PRKAR1A: variants seen among roughly 807,000 people sequenced by gnomAD.
PRKAR1A encodes protein kinase cAMP-dependent type I regulatory subunit alpha, also known as cAMP-dependent protein kinase type I-alpha regulatory subunit.
In PRKAR1A, 3 loss-of-function variants were observed where a neutral mutation model predicts 52.0. The ratio of observed to expected loss-of-function variants is 0.06; its 90% CI spans 0.03 to 0.15. The LOEUF is 0.15. Ranked by LOEUF, PRKAR1A falls within the 10% of genes least tolerant of loss-of-function variation. The pLI is 1.00. For synonymous variants in PRKAR1A, 188 were observed against 168.4 expected (o/e 1.12, Z -0.90); for missense variants, 240 against 477.4 (o/e 0.50, Z 4.63).
In PRKAR1A at chr17:68,524,218, A is replaced by G. The variant is rs530594434; in HGVS notation, c.502+141A>G. 129 of 757,532 alleles carry G rather than the reference A, an allele frequency of 1.7e-4. 1 individual carries two copies. In the East Asian group the frequency reaches 2.4e-3, roughly 14 times the overall value. The allele number at this position is 757,532 out of a possible 1,614,324, so 46.9% of individuals were successfully genotyped here. A position where few individuals can be genotyped will look rare whatever the true frequency, so the allele number is the denominator to read the frequency against. ...TTCTGTTATACTATTGGATTTTTCT[A>G]TTTCTTTTAAATTAAGATTTTCTGA... On this transcript the variant is annotated intron_variant, in intron 5 of 10. Coordinates refer to ENST00000589228, the MANE Select transcript of PRKAR1A (RefSeq NM_002734.5).
chr17:68,522,290 C>T (rs1026582172), intron 2 of PRKAR1A, among the ~76,000 whole-genome samples: 1 of 152,178 alleles, frequency 6.6e-6, no homozygotes, highest in Non-Finnish European at 1.5e-5. Context: ...ACTCAGTAAT[C>T]TAGACATTCT....
chr17:68,458,530 C>T, the PRKAR1A span, among the ~76,000 whole-genome samples: 25 of 152,154 alleles, frequency 1.6e-4, no homozygotes, highest in Non-Finnish European at 3.4e-4. Context: ...AGTATCTAAA[C>T]AAGACCTATC....
At chr17:68,506,204 TC>T in the PRKAR1A span, among the ~76,000 whole-genome samples, 1 of 151,364 alleles carries the variant, frequency 6.6e-6, no homozygotes, top group South Asian at 2.1e-4. Context: ...TGATCACTCT[TC>T]CAGCCTCACA....
the PRKAR1A span, among the ~76,000 whole-genome samples, chr17:68,456,988 C>T: frequency 6.6e-6 from 1 of 152,196 alleles, no homozygotes; most frequent in African/African-American, 2.4e-5. Flanking sequence ...TTCTTTTGGC[C>T]ACTGTCTCTC....
At chr17:68,426,207 A>C in the PRKAR1A span, 1 of 1,352,518 alleles carries the variant, frequency 7.4e-7, no homozygotes, top group Non-Finnish European at 1.0e-6. Flanking sequence ...TGAAACAAGC[A>C]CTGGGGATCT....
At position 68,532,981 on chromosome 17, in the gene PRKAR1A, ATTTAC is replaced by A. The variant is rs1568708457; in HGVS notation, c.*2535_*2539del. On this transcript the variant is annotated 3_prime_UTR_variant, in exon 11 of 11. Coordinates refer to ENST00000589228, the MANE Select transcript of PRKAR1A (RefSeq NM_002734.5). ...AGGGTAATTGAGATGTAGCAGATTT[ATTTAC>A]TTAGTCATGGAAAGAAAAAAATTCA... The A allele has an allele frequency of 1.9e-6, 2 of 1,065,804 alleles. No homozygotes were observed. The highest frequency in any genetic ancestry group is 2.3e-6 in the Non-Finnish European group (2 of 879,724). 66.0% of individuals were successfully genotyped at this position (1,065,804 alleles called of 1,614,324 possible).
the PRKAR1A span, among the ~76,000 whole-genome samples, chr17:68,432,504 T>G: frequency 6.6e-6 from 1 of 152,190 alleles, no homozygotes; most frequent in Non-Finnish European, 1.5e-5. Flanking sequence ...GTCCCAGCAC[T>G]TTGGGAGGTT....
chr17:68,461,038 A>G, the PRKAR1A span, among the ~76,000 whole-genome samples: 1 of 152,244 alleles, frequency 6.6e-6, no homozygotes, highest in Non-Finnish European at 1.5e-5. The surrounding 1 kb of genome is among the most constrained non-coding windows in gnomAD (Gnocchi z 4.6). Context: ...AAGTCTTACA[A>G]GTTCTTGCAA....
At chr17:68,537,891 A>G, downstream of PRKAR1A, 1 of 951,700 alleles carries the variant, frequency 1.1e-6, no homozygotes, top group East Asian at 2.6e-5. The surrounding 1 kb of genome is among the most constrained non-coding windows in gnomAD (Gnocchi z 4.2). Flanking sequence ...AACCAGGTAA[A>G]AAGGGAACAA....
chr17:68,495,473 A>G, the PRKAR1A span, among the ~76,000 whole-genome samples: 1 of 152,108 alleles, frequency 6.6e-6, no homozygotes, highest in Non-Finnish European at 1.5e-5. Flanking sequence ...TCACCTGTCT[A>G]TCACACCACC....
the PRKAR1A span, among the ~76,000 whole-genome samples, chr17:68,433,775 T>TTTTTTG: frequency 3.3e-5 from 2 of 61,516 alleles, no homozygotes; most frequent in African/African-American, 1.0e-4. Context: ...TTTTTTTTTT[T>TTTTTTG]TTTTTTTTTT....
chr17:68,518,147 G>A lies in PRKAR1A; in HGVS notation c.177+2571G>A, dbSNP rs1344658067. Among the ~76,000 whole-genome samples the A allele has an allele frequency of 2.0e-5, 3 of 152,220 alleles. No homozygotes were observed. In the East Asian group the frequency reaches 5.8e-4, roughly 29 times the overall value. On this transcript the variant is annotated intron_variant, in intron 2 of 10. Transcript: ENST00000589228. Reference sequence around the variant, plus strand: ...GCCCCCCTCCTGGCTGCTTCCATGGGCAGGCATTGAGAGTCTGTTGCTTTT... The same window carrying A: ...GCCCCCCTCCTGGCTGCTTCCATGGACAGGCATTGAGAGTCTGTTGCTTTT...
the PRKAR1A span, among the ~76,000 whole-genome samples, chr17:68,474,550 G>A: frequency 5.1e-4 from 77 of 152,280 alleles, no homozygotes; most frequent in Non-Finnish European, 9.0e-4. Context: ...GTGGTCAGCA[G>A]TGCACCGTGT....
At chr17:68,486,527 T>TCCTTCCC in the PRKAR1A span, among the ~76,000 whole-genome samples, 40 of 115,250 alleles carry the variant, frequency 3.5e-4, 1 homozygote, top group Non-Finnish European at 4.7e-4. Context: ...CTTTCTTTCT[T>TCCTTCCC]TCTTTCTTTC....
chr17:68,416,658 A>T, the PRKAR1A span, among the ~76,000 whole-genome samples: 1 of 152,086 alleles, frequency 6.6e-6, no homozygotes, highest in African/African-American at 2.4e-5. Context: ...GGCTTTGTTC[A>T]TATTTTCTTA....
At chr17:68,430,797 C>T in the PRKAR1A span, among the ~76,000 whole-genome samples, 2 of 152,142 alleles carry the variant, frequency 1.3e-5, no homozygotes, top group Non-Finnish European at 2.9e-5. Flanking sequence ...CAGCTCTGCC[C>T]CACACAGAGG....
the PRKAR1A span, among the ~76,000 whole-genome samples, chr17:68,429,735 C>T: frequency 5.3e-5 from 8 of 152,082 alleles, no homozygotes; most frequent in East Asian, 1.9e-4. Context: ...ACTACAGGCA[C>T]GCACCACCAT....
chr17:68,514,480 T>G (rs2085367266), intron 1 of PRKAR1A, among the ~76,000 whole-genome samples: 1 of 152,252 alleles, frequency 6.6e-6, no homozygotes, highest in Non-Finnish European at 1.5e-5. Context: ...TAAGGTTAGC[T>G]GCTCATCATT....
the PRKAR1A span, among the ~76,000 whole-genome samples, chr17:68,505,721 G>C: frequency 1.8e-4 from 27 of 152,178 alleles, no homozygotes; most frequent in African/African-American, 6.0e-4. Context: ...GCTGGGATAG[G>C]AGACTGGCTT....
Sources: gnomAD v4.1 joint callset for allele counts (sites outside exome capture counted in the v4.1 genomes callset) on GRCh38, gnomAD v4.1.1 for gene constraint, Gnocchi (gnomAD v3.1) non-coding constraint, MANE v1.5 for transcripts, NCBI Gene and HGNC (gene_info 2026-07-23, HGNC 2026-07-21) for gene names.